Variants in RANBP2 observed in about 807,000 individuals in gnomAD.
RANBP2 encodes RAN binding protein 2.
RANBP2 carries 57 observed loss-of-function variants against 303.6 expected under a neutral mutation model. The ratio of observed to expected loss-of-function variants is 0.19; its 90% CI spans 0.15 to 0.23. The LOEUF (loss-of-function observed/expected upper bound fraction) is 0.23. Ranked by LOEUF, RANBP2 falls within the 10% of genes least tolerant of loss-of-function variation. RANBP2 has a pLI of 1.00. For synonymous variants in RANBP2, 1,167 were observed against 1,301.5 expected (o/e 0.90, Z 2.23); for missense variants, 3,138 against 3,780.8 (o/e 0.83, Z 4.46).
the RANBP2 span, among the ~76,000 whole-genome samples, chr2:109,563,936 C>T: frequency 6.6e-6 from 1 of 152,106 alleles, no homozygotes. Context: ...GCCTGGGCAA[C>T]ATAGTAAGAC....
chr2:109,201,401 C>G, the RANBP2 span, among the ~76,000 whole-genome samples: 8 of 152,188 alleles, frequency 5.3e-5, no homozygotes, highest in African/African-American at 1.9e-4. Context: ...GGCTGTTTCC[C>G]GGATCTCTCT....
chr2:108,929,550 G>C, the RANBP2 span, among the ~76,000 whole-genome samples: 4 of 152,178 alleles, frequency 2.6e-5, no homozygotes, highest in African/African-American at 9.7e-5. Context: ...ACCAGCTCAT[G>C]CTCTGGGCTT....
chr2:109,547,762 A>C, the RANBP2 span, among the ~76,000 whole-genome samples: 1 of 152,236 alleles, frequency 6.6e-6, no homozygotes, highest in Non-Finnish European at 1.5e-5. Flanking sequence ...TACCAAAAGA[A>C]AACATCTATC....
the RANBP2 span, among the ~76,000 whole-genome samples, chr2:109,707,558 C>A: frequency 1.3e-5 from 2 of 152,326 alleles, no homozygotes; most frequent in South Asian, 4.1e-4. Flanking sequence ...GCTGCAGCTT[C>A]TAAGCCCTCC....
the RANBP2 span, chr2:109,794,786 C>T: frequency 1.4e-4 from 12 of 88,540 alleles, no homozygotes; most frequent in African/African-American, 9.8e-4. Context: ...AGACCGTTGG[C>T]GCCGGCGCTT....
chr2:108,876,094 T>C, the RANBP2 span: 3 of 1,584,904 alleles, frequency 1.9e-6, no homozygotes, highest in Non-Finnish European at 2.6e-6. Context: ...ACAGGAGTAA[T>C]AAGAAGCTCT....
the RANBP2 span, among the ~76,000 whole-genome samples, chr2:109,333,573 C>T: frequency 3.9e-5 from 6 of 152,210 alleles, no homozygotes; most frequent in South Asian, 4.1e-4. Context: ...CATGGAATCT[C>T]TGGAGCTCTG....
At chr2:109,083,898 G>A in the RANBP2 span, among the ~76,000 whole-genome samples, 1 of 151,742 alleles carries the variant, frequency 6.6e-6, no homozygotes, top group Non-Finnish European at 1.5e-5. Flanking sequence ...CTCCCCTCCT[G>A]TGCCCCAAAC....
the RANBP2 span, among the ~76,000 whole-genome samples, chr2:109,171,510 G>A: frequency 6.6e-6 from 1 of 152,258 alleles, no homozygotes; most frequent in Non-Finnish European, 1.5e-5. Context: ...TGGGCTCGCG[G>A]GTATGGTCAG....
chr2:108,958,838 T>G, the RANBP2 span, among the ~76,000 whole-genome samples: 7 of 152,232 alleles, frequency 4.6e-5, no homozygotes, highest in Admixed American at 1.3e-4. Flanking sequence ...CAGCCAGAGA[T>G]AGTGGGCTCT....
the RANBP2 span, among the ~76,000 whole-genome samples, chr2:109,312,843 A>C: frequency 6.6e-6 from 1 of 152,120 alleles, no homozygotes; most frequent in African/African-American, 2.4e-5. Flanking sequence ...TTGGGTACAA[A>C]CATTTGCTTG....
chr2:108,796,537 A>G, the RANBP2 span, among the ~76,000 whole-genome samples: 1 of 152,214 alleles, frequency 6.6e-6, no homozygotes, highest in African/African-American at 2.4e-5. Flanking sequence ...TCCCTTGTTC[A>G]TTGCAGCTCT....
At chr2:108,835,715 T>C in the RANBP2 span, among the ~76,000 whole-genome samples, 50 of 152,334 alleles carry the variant, frequency 3.3e-4, no homozygotes, top group Non-Finnish European at 4.9e-4. Flanking sequence ...TATATTCACA[T>C]TGTCCTTCAA....
chr2:109,478,546 A>G, the RANBP2 span, among the ~76,000 whole-genome samples: 8 of 152,236 alleles, frequency 5.3e-5, no homozygotes, highest in African/African-American at 1.9e-4. Context: ...TCCTTGCAGA[A>G]TTCTTCTCTA....
At chr2:108,832,425 G>A in the RANBP2 span, among the ~76,000 whole-genome samples, 1,891 of 141,608 alleles carry the variant, frequency 0.013, 60 homozygotes, top group South Asian at 0.086. Flanking sequence ...TCGGCTCACC[G>A]CAACCTCTGC....
At chr2:109,017,444 G>A in the RANBP2 span, among the ~76,000 whole-genome samples, 1 of 152,178 alleles carries the variant, frequency 6.6e-6, no homozygotes, top group African/African-American at 2.4e-5. Flanking sequence ...AAGAGACCTT[G>A]GGAATCACAG....
chr2:108,844,472 T>G, the RANBP2 span, among the ~76,000 whole-genome samples: 2 of 152,218 alleles, frequency 1.3e-5, no homozygotes, highest in Admixed American at 6.5e-5. Context: ...ATGCAGGTGT[T>G]CCTTTTGTCA....
At chr2:108,849,873 T>G in the RANBP2 span, among the ~76,000 whole-genome samples, 5 of 152,054 alleles carry the variant, frequency 3.3e-5, no homozygotes, top group East Asian at 7.7e-4. Flanking sequence ...TGCTGATGAG[T>G]CTCAGGGAGA....
chr2:109,091,326 C>A, the RANBP2 span, among the ~76,000 whole-genome samples: 2 of 152,122 alleles, frequency 1.3e-5, no homozygotes, highest in African/African-American at 2.4e-5. Context: ...GTGTCCTCTC[C>A]TTTTACATTT....
Sources: allele counts gnomAD v4.1 joint callset (sites outside exome capture counted in the v4.1 genomes callset), GRCh38; gene constraint gnomAD v4.1.1; transcripts MANE v1.5; gene names NCBI Gene and HGNC (gene_info 2026-07-23, HGNC 2026-07-21).